SLC35F4: variants seen among roughly 807,000 people sequenced by gnomAD.
SLC35F4 encodes the protein solute carrier family 35 member F4, also known as chromosome 14 open reading frame 36.
In SLC35F4, 24 loss-of-function variants were observed where a neutral mutation model predicts 44.2. The observed-to-expected ratio is 0.54, with a 90% CI of 0.39 to 0.76. SLC35F4 has a LOEUF of 0.76. SLC35F4 is among the 30% of genes least tolerant of loss of function. The pLI is 0.00. For synonymous variants in SLC35F4, 238 were observed against 223.6 expected, an observed-to-expected ratio of 1.06 and a Z score of -0.57; for missense variants, 562 against 586.1, an observed-to-expected ratio of 0.96 and a Z score of 0.42.
intron 1 of SLC35F4, among the ~76,000 whole-genome samples, chr14:57,709,172 A>T (rs995466833): frequency 6.6e-6 from 1 of 152,032 alleles, no homozygotes; most frequent in Non-Finnish European, 1.5e-5. Flanking sequence ...TCCCCCAGGG[A>T]AAGGGAGACT....
intron 1 of SLC35F4, among the ~76,000 whole-genome samples, chr14:57,795,358 G>T (rs1401750143): frequency 6.6e-6 from 1 of 152,160 alleles, no homozygotes; most frequent in Non-Finnish European, 1.5e-5. Flanking sequence ...AAGCTGAAAA[G>T]ACTTCACTTA....
At chr14:57,686,386 G>A (rs188107856) in intron 1 of SLC35F4, among the ~76,000 whole-genome samples, 24 of 152,234 alleles carry the variant, frequency 1.6e-4, no homozygotes, top group East Asian at 1.9e-4. Flanking sequence ...GAGCTCAGTC[G>A]TTCAGGGCAG....
At chr14:57,796,255 T>C (rs1191189640) in intron 1 of SLC35F4, among the ~76,000 whole-genome samples, 13 of 152,224 alleles carry the variant, frequency 8.5e-5, no homozygotes, top group African/African-American at 2.9e-4. Flanking sequence ...GTGATGAACA[T>C]ATGTGTGCAT....
At chr14:57,915,553 T>C (rs1417255327) in intron 1 of SLC35F4, among the ~76,000 whole-genome samples, 1 of 152,244 alleles carries the variant, frequency 6.6e-6, no homozygotes. Context: ...GCAGACTGAA[T>C]GCTTTGCTAC....
intron 1 of SLC35F4, among the ~76,000 whole-genome samples, chr14:57,597,415 A>G (rs2070555403): frequency 6.6e-6 from 1 of 152,240 alleles, no homozygotes; most frequent in Admixed American, 6.5e-5. Flanking sequence ...GCATGCTCCC[A>G]AATTCAATTT....
At chr14:57,636,047 T>C (rs1003871953) in intron 1 of SLC35F4, among the ~76,000 whole-genome samples, 4 of 152,160 alleles carry the variant, frequency 2.6e-5, no homozygotes, top group Non-Finnish European at 5.9e-5. Context: ...ATGCTGTTAA[T>C]AGGTGGCTTC....
At chr14:57,771,391 C>T (rs1177092296) in intron 1 of SLC35F4, among the ~76,000 whole-genome samples, 1 of 152,102 alleles carries the variant, frequency 6.6e-6, no homozygotes, top group African/African-American at 2.4e-5. Context: ...TGACTTTGGA[C>T]CAAAGGTGCT....
intron 1 of SLC35F4, among the ~76,000 whole-genome samples, chr14:57,849,318 T>A (rs992125369): frequency 1.1e-4 from 16 of 152,032 alleles, no homozygotes; most frequent in African/African-American, 3.9e-4. Flanking sequence ...TGCGCCACCA[T>A]GCCCAGCTAG....
intron 1 of SLC35F4, among the ~76,000 whole-genome samples, chr14:57,959,860 C>A (rs973292373): frequency 2.9e-4 from 44 of 152,134 alleles, no homozygotes; most frequent in African/African-American, 1.1e-3. Flanking sequence ...TAAGACTCTT[C>A]CAGGCTTTTA....
At chr14:57,712,092 G>A (rs1178854913) in intron 1 of SLC35F4, among the ~76,000 whole-genome samples, 1 of 152,182 alleles carries the variant, frequency 6.6e-6, no homozygotes, top group African/African-American at 2.4e-5. Flanking sequence ...TACATTGAAA[G>A]GTTGCAGCTC....
chr14:57,735,276 G>C (rs111678171), intron 1 of SLC35F4, among the ~76,000 whole-genome samples: 183 of 152,314 alleles, frequency 1.2e-3, no homozygotes, highest in Non-Finnish European at 1.8e-3. Flanking sequence ...AAATATTAAA[G>C]TTATTTCTTG....
At chr14:57,911,264 T>TG (rs1889211314) in intron 1 of SLC35F4, among the ~76,000 whole-genome samples, 1 of 151,994 alleles carries the variant, frequency 6.6e-6, no homozygotes, top group African/African-American at 2.4e-5. Flanking sequence ...TCCTAATCTA[T>TG]ATATCCTTGA....
intron 1 of SLC35F4, among the ~76,000 whole-genome samples, chr14:57,772,835 T>C (rs1004210862): frequency 2.6e-5 from 4 of 152,238 alleles, no homozygotes; most frequent in Non-Finnish European, 4.4e-5. Context: ...CGGTGTCTTT[T>C]TGATATAATG....
At chr14:57,743,396 A>C (rs2076669591) in intron 1 of SLC35F4, among the ~76,000 whole-genome samples, 1 of 152,212 alleles carries the variant, frequency 6.6e-6, no homozygotes, top group Non-Finnish European at 1.5e-5. Context: ...AGGGGATATC[A>C]CCACCAATCC....
At chr14:57,800,154 G>A (rs915199290) in intron 1 of SLC35F4, among the ~76,000 whole-genome samples, 4 of 152,190 alleles carry the variant, frequency 2.6e-5, no homozygotes, top group African/African-American at 9.7e-5. Flanking sequence ...TCCAGAGGAA[G>A]GATCTGGCTG....
intron 1 of SLC35F4, among the ~76,000 whole-genome samples, chr14:57,651,156 T>A (rs1040622248): frequency 6.6e-6 from 1 of 152,180 alleles, no homozygotes; most frequent in African/African-American, 2.4e-5. Flanking sequence ...AGCTTGTCAG[T>A]CTTGTTCACT....
chr14:57,695,574 G>C (rs1197459412), intron 1 of SLC35F4, among the ~76,000 whole-genome samples: 1 of 151,590 alleles, frequency 6.6e-6, no homozygotes, highest in Non-Finnish European at 1.5e-5. Flanking sequence ...CTGTTGGTGG[G>C]ACTGTAAACT....
intron 1 of SLC35F4, among the ~76,000 whole-genome samples, chr14:57,958,337 C>T (rs1426142495): frequency 6.6e-6 from 1 of 152,152 alleles, no homozygotes; most frequent in Non-Finnish European, 1.5e-5. Context: ...AGATTACATG[C>T]GTGAGCCACT....
At chr14:57,931,890 T>C (rs1225678299) in intron 1 of SLC35F4, among the ~76,000 whole-genome samples, 23 of 152,326 alleles carry the variant, frequency 1.5e-4, no homozygotes, top group Non-Finnish European at 1.5e-5. Context: ...AGTCCCCCCA[T>C]GTGGGCAAAA....
Sources: gnomAD v4.1 joint callset for allele counts (sites outside exome capture counted in the v4.1 genomes callset) on GRCh38, gnomAD v4.1.1 for gene constraint, MANE v1.5 for transcripts, NCBI Gene and HGNC (gene_info 2026-07-23, HGNC 2026-07-21) for gene names.